EGFLAM: variants seen among roughly 807,000 people sequenced by gnomAD.
EGFLAM encodes EGF like, fibronectin type III and laminin G domains.
In EGFLAM, 79 loss-of-function variants were observed where a neutral mutation model predicts 113.1. The ratio of observed to expected loss-of-function variants is 0.70; its 90% CI spans 0.58 to 0.84. The LOEUF (loss-of-function observed/expected upper bound fraction) is 0.84, where lower values mean the gene tolerates loss of function less well. Ranked by LOEUF, EGFLAM falls within the 40% of genes least tolerant of loss-of-function variation. EGFLAM has a pLI of 0.00. For synonymous variants in EGFLAM, 504 were observed against 487.6 expected (o/e 1.03, Z -0.44); for missense variants, 1,265 against 1,291.6 (o/e 0.98, Z 0.32).
intron 6 of EGFLAM, among the ~76,000 whole-genome samples, chr5:38,376,098 T>TA (rs779089636): frequency 1.4e-4 from 21 of 152,164 alleles, no homozygotes; most frequent in Non-Finnish European, 2.8e-4. Flanking sequence ...AGCAGCATTA[T>TA]AGTTTCCTTT....
chr5:38,343,703 A>G (rs1332391093), intron 3 of EGFLAM, among the ~76,000 whole-genome samples: 1 of 152,218 alleles, frequency 6.6e-6, no homozygotes, highest in Non-Finnish European at 1.5e-5. Context: ...TGCTTGGAAG[A>G]TAGCACTTTT....
Position 38,350,610 on chromosome 5 carries a change from T to C in EGFLAM, c.401T>C (p.Leu134Ser). 1.2e-6 allele frequency: 2 copies of C among 1,613,698 alleles called. No individual in the cohort carries two copies. The highest frequency in any genetic ancestry group is 1.7e-6 in the Non-Finnish European group (2 of 1,179,874). Residue 134 changes from leucine to serine, a missense_variant, in exon 4 of 22, where the codon TTG becomes TCG. Leu to Ser is a moderately radical substitution (Grantham distance 145, BLOSUM62 -2). Transcript: ENST00000322350. ...RLSSPRHVTT[L>S]SQDSCLPPAA... is the part of the protein sequence containing the mutation. ...AGCTCTCCTCGGCATGTCACCACTT[T>C]GTCCCAAGGTAAAGTAGGTTCAAAT...
chr5:38,354,694 C>T (rs1739720217), intron 5 of EGFLAM, among the ~76,000 whole-genome samples: 2 of 152,158 alleles, frequency 1.3e-5, no homozygotes, highest in Non-Finnish European at 2.9e-5. Flanking sequence ...TACACCACTG[C>T]ACTCTAGCCT....
At chr5:38,289,331 A>G (rs1478384625) in intron 1 of EGFLAM, among the ~76,000 whole-genome samples, 1 of 149,056 alleles carries the variant, frequency 6.7e-6, no homozygotes, top group Non-Finnish European at 1.5e-5. Flanking sequence ...TGAAACCTGT[A>G]ATAGGCTCCT....
intron 1 of EGFLAM, among the ~76,000 whole-genome samples, chr5:38,263,743 A>C (rs1757561561): frequency 6.6e-6 from 1 of 152,104 alleles, no homozygotes; most frequent in Admixed American, 6.5e-5. Flanking sequence ...TTTATTGCAG[A>C]AGTTTTTTAG....
chr5:38,342,530 C>T (rs1483490087), intron 3 of EGFLAM, among the ~76,000 whole-genome samples: 1 of 152,180 alleles, frequency 6.6e-6, no homozygotes, highest in Non-Finnish European at 1.5e-5. Context: ...AATACCCTGG[C>T]TGATAATGTG....
intron 6 of EGFLAM, among the ~76,000 whole-genome samples, chr5:38,379,156 G>A (rs146650090): frequency 5.2e-4 from 79 of 152,308 alleles, no homozygotes; most frequent in Admixed American, 1.1e-3. Context: ...GAGGTCCACC[G>A]GAATCATTAG....
At position 38,258,652 on chromosome 5, in the gene EGFLAM, C is replaced by T. The variant is rs902993537; in HGVS notation, c.-103C>T. The stretch of plus-strand genomic sequence containing the variant: ...CTCGCAGCCCCCCACCTCCTCGCCC[C>T]GGCCCGGGGATCCGTTGGGGCCGCG... On this transcript the variant is annotated 5_prime_UTR_variant, in exon 1 of 22. Transcript: ENST00000322350. 2 of 1,360,104 alleles carry T rather than the reference C, an allele frequency of 1.5e-6. No homozygotes were observed. Among genetic ancestry groups the T allele is most frequent in the Admixed American group, 2.0e-5 (1 of 50,324 alleles). 84.3% of individuals were successfully genotyped at this position (1,360,104 alleles called of 1,614,324 possible).
intron 17 of EGFLAM, among the ~76,000 whole-genome samples, chr5:38,441,992 AG>A (rs1323568534): frequency 1.3e-5 from 2 of 152,168 alleles, no homozygotes; most frequent in African/African-American, 4.8e-5. Flanking sequence ...TGTACTCATC[AG>A]GGGCGCACAG....
intron 1 of EGFLAM, among the ~76,000 whole-genome samples, chr5:38,291,504 G>C (rs1411453026): frequency 6.6e-6 from 1 of 152,178 alleles, no homozygotes; most frequent in Non-Finnish European, 1.5e-5. Flanking sequence ...CATGAGGGCA[G>C]GGTGGTTTCC....
chr5:38,298,800 A>G (rs1042342708), intron 1 of EGFLAM, among the ~76,000 whole-genome samples: 3 of 151,996 alleles, frequency 2.0e-5, no homozygotes, highest in East Asian at 1.9e-4. Flanking sequence ...TCCTGGGCTC[A>G]GGTGATCCTC....
rs144029237 is a variant in EGFLAM at position 38,448,352 on chromosome 5, C to A, written c.2516C>A (p.Thr839Lys). The A allele has an allele frequency of 2.4e-3, 3,907 of 1,614,138 alleles. 9 individuals carry two copies. Among genetic ancestry groups the A allele is most frequent in the Non-Finnish European group, 3.1e-3 (3,654 of 1,180,030 alleles). The change falls in exon 18 of 22, where the codon ACG becomes AAG. Residue 839 changes from threonine (T) to lysine (K), a missense_variant. Thr to Lys is a moderately conservative substitution (Grantham distance 78, BLOSUM62 -1). Coordinates refer to ENST00000322350, the MANE Select transcript of EGFLAM (RefSeq NM_152403.4). ...IPQFIGRSYL[T>K]YDNPDILKRV... ...CAGTTTATCGGCCGCAGTTACCTGA[C>A]GTATGACAACCCAGATATCTTGAAG...
At position 38,406,873 on chromosome 5, in the gene EGFLAM, G is replaced by T. The variant is rs1260175488; in HGVS notation, c.874G>T (p.Val292Leu). 6.2e-7 allele frequency: 1 copy of T among 1,614,028 alleles called. No individual in the cohort carries two copies. Among genetic ancestry groups the T allele is most frequent in the Admixed American group, 1.7e-5 (1 of 60,006 alleles). Residue 292 changes from valine to leucine, a missense_variant, in exon 8 of 22, where the codon GTG (valine) becomes TTG (leucine). By Grantham distance (32) the Val-to-Leu change is conservative. Transcript: ENST00000322350. ...ATKGGNKKFL[V>L]ESKKMSISNP... ...CAAAGGAGGGAATAAGAAATTTTTG[G>T]TGGAAAGCAAGAAGATGTCTATATC...
chr5:38,445,477 A>T (rs750262771), intron 17 of EGFLAM: 7 of 1,441,074 alleles, frequency 4.9e-6, no homozygotes, highest in Non-Finnish European at 6.4e-6. Flanking sequence ...GCTGGGTGCC[A>T]ATCATGCTGA....
At chr5:38,348,045 G>A (rs895585070) in intron 3 of EGFLAM, among the ~76,000 whole-genome samples, 1 of 147,658 alleles carries the variant, frequency 6.8e-6, no homozygotes, top group African/African-American at 2.6e-5. Context: ...CTGGCCTTGG[G>A]TAATGAGAGA....
chr5:38,441,633 T>TACACACACAC (rs1742538351), intron 17 of EGFLAM, among the ~76,000 whole-genome samples: 1 of 138,298 alleles, frequency 7.2e-6, no homozygotes, highest in African/African-American at 2.9e-5. Flanking sequence ...CGCATTCACG[T>TACACACACAC]ACACGAAATG....
chr5:38,427,347 C>T, intron 14 of EGFLAM, 95 bp downstream of exon 14: 1 of 1,537,132 alleles, frequency 6.5e-7, no homozygotes, highest in Non-Finnish European at 8.8e-7. Flanking sequence ...AGCTCACACT[C>T]ATCCTGTCTT....
At chr5:38,429,442 A>G (rs979104024) in intron 14 of EGFLAM, among the ~76,000 whole-genome samples, 1 of 152,212 alleles carries the variant, frequency 6.6e-6, no homozygotes, top group African/African-American at 2.4e-5. Flanking sequence ...GGTATTCCTC[A>G]TGGTTTTCTA....
At chr5:38,414,263 C>T (rs1282396646) in intron 11 of EGFLAM, among the ~76,000 whole-genome samples, 1 of 152,140 alleles carries the variant, frequency 6.6e-6, no homozygotes, top group Non-Finnish European at 1.5e-5. Context: ...AAGACAGGGT[C>T]AGCGAACTGC....
Sources: allele counts gnomAD v4.1 joint callset (sites outside exome capture counted in the v4.1 genomes callset), GRCh38; gene constraint gnomAD v4.1.1; transcripts MANE v1.5; gene names NCBI Gene and HGNC (gene_info 2026-07-23, HGNC 2026-07-21).